The following NR1H4 variants were observed in gnomAD, a reference collection of about 807,000 sequenced individuals.
NR1H4 encodes bile acid receptor.
In NR1H4, 23 loss-of-function variants were observed where a neutral mutation model predicts 58.5. The ratio of observed to expected loss-of-function variants is 0.39; its 90% CI spans 0.28 to 0.56. The LOEUF (loss-of-function observed/expected upper bound fraction) is 0.56. Among genes scored for constraint, NR1H4 ranks in the 20% least tolerant of loss-of-function variants. NR1H4 has a pLI of 0.58. For synonymous variants in NR1H4, 214 were observed against 198.0 expected (o/e 1.08, Z -0.68); for missense variants, 487 against 576.9 (o/e 0.84, Z 1.60).
chr12:100,484,673 G>A (rs1461159922), intron 1 of NR1H4, among the ~76,000 whole-genome samples: 3 of 151,852 alleles, frequency 2.0e-5, no homozygotes, highest in Non-Finnish European at 4.4e-5. Context: ...CTCTACTGAC[G>A]CCACGCTGCT....
chr12:100,538,564 T>C (rs1954864511), intron 8 of NR1H4, among the ~76,000 whole-genome samples: 1 of 152,214 alleles, frequency 6.6e-6, no homozygotes, highest in African/African-American at 2.4e-5. Context: ...TTATTAATGC[T>C]ATCTAAGCTA....
chr12:100,505,192 C>G (rs1405858517), intron 3 of NR1H4, among the ~76,000 whole-genome samples: 1 of 152,038 alleles, frequency 6.6e-6, no homozygotes, highest in East Asian at 1.9e-4. Flanking sequence ...GAATGAAAAA[C>G]TGGATATAAA....
chr12:100,487,595 C>CTTT (rs34694873), intron 1 of NR1H4, among the ~76,000 whole-genome samples: 188 of 115,886 alleles, frequency 1.6e-3, no homozygotes, highest in South Asian at 2.0e-3. Context: ...TCTTCTTCTT[C>CTTT]TTTTTTTTTT....
chr12:100,563,531 A>G lies in NR1H4; in HGVS notation c.*42A>G, dbSNP rs759811407. 16 of 1,423,456 alleles carry G rather than the reference A, an allele frequency of 1.1e-5. No individual in the cohort carries two copies. The South Asian group carries it at 1.6e-4, about 14-fold the overall frequency. 88.2% of individuals were successfully genotyped at this position (1,423,456 alleles called of 1,614,324 possible). A position where few individuals can be genotyped will look rare whatever the true frequency, so the allele number is the denominator to read the frequency against. ...GGGGTCTAGCTCCTTTTTCTCTCTCATATTAATCTGATGTATAACTTTCCT... is the reference window on the plus strand; with the variant it reads ...GGGGTCTAGCTCCTTTTTCTCTCTCGTATTAATCTGATGTATAACTTTCCT... On this transcript the variant is annotated 3_prime_UTR_variant, in exon 11 of 11. Coordinates refer to ENST00000392986, the MANE Select transcript of NR1H4 (RefSeq NM_001206979.2).
At chr12:100,507,563 A>G (rs1449457062) in intron 3 of NR1H4, among the ~76,000 whole-genome samples, 1 of 152,050 alleles carries the variant, frequency 6.6e-6, no homozygotes, top group East Asian at 1.9e-4. Flanking sequence ...CCCAGGTTCA[A>G]GTGATTCTCC....
intron 3 of NR1H4, among the ~76,000 whole-genome samples, chr12:100,495,094 G>A (rs1418349200): frequency 2.6e-5 from 4 of 152,346 alleles, no homozygotes; most frequent in Non-Finnish European, 4.4e-5. Flanking sequence ...CAGGTTAGAA[G>A]CATCTAAAGA....
chr12:100,484,988 A>G (rs911849566), intron 1 of NR1H4, among the ~76,000 whole-genome samples: 7 of 152,308 alleles, frequency 4.6e-5, no homozygotes, highest in African/African-American at 7.2e-5. Context: ...ATTTCATTCA[A>G]TCTTTTTCAT....
intron 10 of NR1H4, among the ~76,000 whole-genome samples, chr12:100,562,836 G>A (rs1223697722): frequency 6.6e-6 from 1 of 152,116 alleles, no homozygotes; most frequent in Non-Finnish European, 1.5e-5. Flanking sequence ...ACATTATCTT[G>A]AGGCAGAAGC....
In NR1H4 at chr12:100,543,404, T is replaced by C. The variant is rs147928031; in HGVS notation, c.1078+2586T>C. 8.2e-3 allele frequency among the ~76,000 whole-genome samples: 1,254 copies of C among 152,216 alleles called. 16 individuals carry two copies. The highest frequency in any genetic ancestry group is 0.02 in the Middle Eastern group (6 of 294). On this transcript the variant is annotated intron_variant, in intron 9 of 10. Coordinates refer to ENST00000392986, the MANE Select transcript of NR1H4 (RefSeq NM_001206979.2). ...GTGTTAGGGTAAGCCAGAACAGAAG[T>C]CACCTCTTAGGAGGCAAGAAGTCTC...
intron 3 of NR1H4, among the ~76,000 whole-genome samples, chr12:100,508,222 G>A (rs1052669776): frequency 2.2e-4 from 34 of 152,082 alleles, no homozygotes; most frequent in African/African-American, 7.7e-4. Flanking sequence ...TGGCTGTGTT[G>A]AGAACCATTT....
intron 3 of NR1H4, among the ~76,000 whole-genome samples, chr12:100,506,139 T>C (rs181315828): frequency 2.6e-5 from 4 of 152,290 alleles, no homozygotes; most frequent in Admixed American, 2.6e-4. Context: ...ACTGTGTTAA[T>C]AATTACTTAT....
chr12:100,506,205 A>G (rs1228822992), intron 3 of NR1H4, among the ~76,000 whole-genome samples: 1 of 152,198 alleles, frequency 6.6e-6, no homozygotes, highest in African/African-American at 2.4e-5. Flanking sequence ...TTTAGGAAAC[A>G]TGTCTTTTAA....
At chr12:100,541,837 T>C (rs1040252940) in intron 9 of NR1H4, among the ~76,000 whole-genome samples, 23 of 151,868 alleles carry the variant, frequency 1.5e-4, no homozygotes, top group South Asian at 6.2e-4. Context: ...CCTCGAGTGA[T>C]CCACCTACCT....
At chr12:100,486,102 G>A (rs1205605500) in intron 1 of NR1H4, among the ~76,000 whole-genome samples, 1 of 151,974 alleles carries the variant, frequency 6.6e-6, no homozygotes, top group Non-Finnish European at 1.5e-5. Context: ...CCCAATCAGG[G>A]GAGTGTCTGG....
At chr12:100,554,045 A>AG (rs1190707200) in intron 9 of NR1H4, among the ~76,000 whole-genome samples, 1 of 152,104 alleles carries the variant, frequency 6.6e-6, no homozygotes, top group African/African-American at 2.4e-5. Context: ...TGGGGCAGGG[A>AG]GGGGGAAGGG....
chr12:100,523,112 T>A (rs1246530725), intron 4 of NR1H4, among the ~76,000 whole-genome samples: 1 of 152,210 alleles, frequency 6.6e-6, no homozygotes, highest in Non-Finnish European at 1.5e-5. Context: ...CTACTTTCAG[T>A]TCTTTAAGAA....
intron 9 of NR1H4, among the ~76,000 whole-genome samples, chr12:100,547,109 A>C (rs1184609578): frequency 1.3e-5 from 2 of 152,124 alleles, no homozygotes; most frequent in African/African-American, 2.4e-5. Flanking sequence ...AATTTCCAAC[A>C]TCTCTTCCCA....
At chr12:100,556,629 C>T (rs996769210) in intron 9 of NR1H4, among the ~76,000 whole-genome samples, 1 of 152,260 alleles carries the variant, frequency 6.6e-6, no homozygotes, top group Non-Finnish European at 1.5e-5. Context: ...AGGCCTGTCT[C>T]GTGGCATGTA....
intron 6 of NR1H4, 147 bp downstream of exon 6, chr12:100,535,170 T>C (rs769597934): frequency 2.3e-6 from 2 of 882,724 alleles, no homozygotes; most frequent in Non-Finnish European, 3.7e-6. Context: ...TCCTAATACA[T>C]GCTTTGATGT....
Sources: gnomAD v4.1 joint callset for allele counts (sites outside exome capture counted in the v4.1 genomes callset) on GRCh38, gnomAD v4.1.1 for gene constraint, MANE v1.5 for transcripts, NCBI Gene and HGNC (gene_info 2026-07-23, HGNC 2026-07-21) for gene names.